The following CENPP variants were observed in gnomAD, a reference collection of about 807,000 sequenced individuals.
CENPP encodes the protein centromere protein P.
A neutral mutation model predicts 35.6 loss-of-function variants in CENPP; 24 were observed. That is an observed-to-expected ratio of 0.67 (90% CI 0.49 to 0.95). CENPP has a LOEUF of 0.95. Among genes scored for constraint, CENPP ranks in the 40% least tolerant of loss-of-function variants. The pLI is 0.00. For synonymous variants in CENPP, 120 were observed against 125.5 expected (o/e 0.96, Z 0.29); for missense variants, 332 against 345.3 (o/e 0.96, Z 0.31).
chr9:92,412,114 G>T (rs1843461916), intron 5 of CENPP, among the ~76,000 whole-genome samples: 1 of 151,832 alleles, frequency 6.6e-6, no homozygotes, highest in Non-Finnish European at 1.5e-5. Context: ...TAGAGACGGG[G>T]TCTCACTCTA....
At chr9:92,525,826 G>T (rs117521165) in intron 5 of CENPP, among the ~76,000 whole-genome samples, 1 of 147,288 alleles carries the variant, frequency 6.8e-6, no homozygotes, top group Non-Finnish European at 1.5e-5. Context: ...GGAGGCGGAG[G>T]TTGCACTGAG....
chr9:92,372,831 T>TGATAGGTGACTAGACTCCTTTCTC (rs1842041395), intron 4 of CENPP, among the ~76,000 whole-genome samples: 1 of 152,012 alleles, frequency 6.6e-6, no homozygotes, highest in African/African-American at 2.4e-5. Context: ...TTTTTTTTTT[T>TGATAGGTGACTAGACTCCTTTCTC]GATAGGTGAC....
intron 5 of CENPP, among the ~76,000 whole-genome samples, chr9:92,534,194 T>G (rs1427363553): frequency 6.6e-6 from 1 of 152,226 alleles, no homozygotes; most frequent in East Asian, 1.9e-4. Context: ...GAGCTCCCCT[T>G]TTTATTTCCT....
Position 92,337,720 on chromosome 9 carries a change from A to G in CENPP, c.378+91A>G, listed in dbSNP as rs148362064. 3.5e-4 allele frequency: 300 copies of G among 857,328 alleles called. 1 individual carries two copies. The African/African-American group carries it at 4.9e-3, about 14-fold the overall frequency. The allele number at this position is 857,328 out of a possible 1,614,324, so 53.1% of individuals were successfully genotyped here. A position where few individuals can be genotyped will look rare whatever the true frequency, so the allele number is the denominator to read the frequency against. On this transcript the variant is annotated intron_variant, in intron 3 of 7. Coordinates refer to ENST00000375587, the MANE Select transcript of CENPP (RefSeq NM_001012267.3). The stretch of plus-strand genomic sequence containing the variant: ...CCAGCCTTCAACAGTGATGGAGCTG[A>G]AGAGGAGTTCATGAGCCAGGGCCCC...
chr9:92,445,222 G>A (rs1231554137), intron 5 of CENPP, among the ~76,000 whole-genome samples: 1 of 152,124 alleles, frequency 6.6e-6, no homozygotes, highest in Non-Finnish European at 1.5e-5. Flanking sequence ...GTGAGAGTGG[G>A]TTTCTCCTTT....
At position 92,525,282 on chromosome 9, in the gene CENPP, T is replaced by C. The variant is rs1052569749; in HGVS notation, c.565-86032T>C. ...GCAGTGAGCAATGATTGCAGCACTGTACTCCAGCCTGGGTAACAGAGCGAG... is the reference window on the plus strand; with the variant it reads ...GCAGTGAGCAATGATTGCAGCACTGCACTCCAGCCTGGGTAACAGAGCGAG... On this transcript the variant is annotated intron_variant, in intron 5 of 7. Coordinates refer to ENST00000375587, the MANE Select transcript of CENPP (RefSeq NM_001012267.3). Among the ~76,000 whole-genome samples the C allele has an allele frequency of 5.3e-5, 8 of 150,506 alleles. No homozygotes were observed. In the South Asian group the frequency reaches 6.3e-4, roughly 12 times the overall value.
In CENPP at chr9:92,360,829, C is replaced by T. The variant is rs1203995141; in HGVS notation, c.467+15042C>T. On this transcript the variant is annotated intron_variant, in intron 4 of 7. Coordinates refer to ENST00000375587, the MANE Select transcript of CENPP (RefSeq NM_001012267.3). The stretch of plus-strand genomic sequence containing the variant: ...ACACCATTCTTCTGCCTCAGCCTCC[C>T]GAGTAGCTGGGACTACAGGCGCCCA... Among the ~76,000 whole-genome samples, 7 of 151,926 alleles carry T rather than the reference C, an allele frequency of 4.6e-5. No homozygotes were observed. The East Asian group carries it at 5.8e-4, about 13-fold the overall frequency.
intron 5 of CENPP, among the ~76,000 whole-genome samples, chr9:92,454,312 G>T (rs1157486957): frequency 2.6e-5 from 4 of 151,986 alleles, no homozygotes; most frequent in Admixed American, 2.6e-4. Context: ...TTAAAATTTT[G>T]GTTTTGTCTT....
intron 1 of CENPP, among the ~76,000 whole-genome samples, chr9:92,329,240 G>A (rs546365448): frequency 8.1e-5 from 12 of 147,460 alleles, no homozygotes; most frequent in East Asian, 2.0e-4. Context: ...GCTGGAGTGT[G>A]GTGGCGCAAC....
At position 92,617,399 on chromosome 9, in the gene CENPP, G is replaced by C. The variant is rs756270807; in HGVS notation, c.*4250G>C. 1 of 152,332 alleles carries C rather than the reference G, an allele frequency of 6.6e-6. No homozygotes were observed. Among genetic ancestry groups the C allele is most frequent in the Non-Finnish European group, 1.5e-5 (1 of 68,136 alleles). 9.4% of individuals were successfully genotyped at this position (152,332 alleles called of 1,614,324 possible). A position where few individuals can be genotyped will look rare whatever the true frequency, so the allele number is the denominator to read the frequency against. On this transcript the variant is annotated 3_prime_UTR_variant, in exon 8 of 8. Coordinates refer to ENST00000375587, the MANE Select transcript of CENPP (RefSeq NM_001012267.3). The stretch of plus-strand genomic sequence containing the variant: ...AGGAAGGATGTTCCAGGCAGCTCCC[G>C]GGGAGGGTCTGACTACCTGGGTCAA...
chr9:92,334,638 G>A (rs1178638066), intron 2 of CENPP, among the ~76,000 whole-genome samples: 1 of 152,092 alleles, frequency 6.6e-6, no homozygotes, highest in East Asian at 1.9e-4. Flanking sequence ...CTAGCACTTT[G>A]GGAGGCCTAT....
intron 5 of CENPP, among the ~76,000 whole-genome samples, chr9:92,490,601 T>A (rs543879602): frequency 1.3e-5 from 2 of 152,332 alleles, no homozygotes; most frequent in South Asian, 4.1e-4. Flanking sequence ...AAGTTTCACT[T>A]CAACAGCAGA....
At chr9:92,612,729 T>C in intron 7 of CENPP, 115 bp downstream of exon 7, 1 of 783,912 alleles carries the variant, frequency 1.3e-6, no homozygotes, top group Non-Finnish European at 2.2e-6. Context: ...ATCTCATTAA[T>C]GTACTTTGTC....
chr9:92,487,308 G>A lies in CENPP; in HGVS notation c.564+107449G>A, dbSNP rs1236339195. On this transcript the variant is annotated intron_variant, in intron 5 of 7. Transcript: ENST00000375587. ...ACAGGTCTGGGCCAGAGAAGTAAAGGTTTCTGAAAAAGCTTTCTTGTACCA... is the reference window on the plus strand; with the variant it reads ...ACAGGTCTGGGCCAGAGAAGTAAAGATTTCTGAAAAAGCTTTCTTGTACCA... Among the ~76,000 whole-genome samples the A allele has an allele frequency of 3.9e-5, 6 of 152,156 alleles. No individual in the cohort carries two copies. The East Asian group carries it at 7.7e-4, about 20-fold the overall frequency.
At chr9:92,372,404 T>G (rs1282242768) in intron 4 of CENPP, among the ~76,000 whole-genome samples, 1 of 152,156 alleles carries the variant, frequency 6.6e-6, no homozygotes, top group East Asian at 1.9e-4. Flanking sequence ...ATACTGTTGT[T>G]TTCTGTTGTT....
At chr9:92,399,636 G>A (rs1459208662) in intron 5 of CENPP, among the ~76,000 whole-genome samples, 5 of 152,026 alleles carry the variant, frequency 3.3e-5, no homozygotes, top group Non-Finnish European at 7.4e-5. Context: ...GTACTTGTAC[G>A]ATTTCATTTT....
At chr9:92,608,480 T>C (rs998913470) in intron 5 of CENPP, among the ~76,000 whole-genome samples, 3 of 152,226 alleles carry the variant, frequency 2.0e-5, no homozygotes, top group African/African-American at 7.2e-5. Flanking sequence ...TTTATAAAAC[T>C]CGACTGCTGT....
At chr9:92,399,799 C>T (rs916210499) in intron 5 of CENPP, among the ~76,000 whole-genome samples, 1 of 152,116 alleles carries the variant, frequency 6.6e-6, no homozygotes, top group Non-Finnish European at 1.5e-5. Context: ...TTAGTATGTA[C>T]TGAATTTTCA....
rs189061664 is a variant in CENPP at position 92,393,908 on chromosome 9, A to G, written c.564+14049A>G. On this transcript the variant is annotated intron_variant, in intron 5 of 7. Coordinates refer to ENST00000375587, the MANE Select transcript of CENPP (RefSeq NM_001012267.3). Reference sequence around the variant, plus strand: ...TCGTCAGTGCTGTGTGTCCAAAAGCACATGATATCTGTTTATCCCATTCCT... The same window carrying G: ...TCGTCAGTGCTGTGTGTCCAAAAGCGCATGATATCTGTTTATCCCATTCCT... 2.9e-4 allele frequency among the ~76,000 whole-genome samples: 44 copies of G among 152,290 alleles called. No homozygotes were observed. The East Asian group carries it at 7.7e-3, about 27-fold the overall frequency.
Sources: gnomAD v4.1 joint callset for allele counts (sites outside exome capture counted in the v4.1 genomes callset) on GRCh38, gnomAD v4.1.1 for gene constraint, MANE v1.5 for transcripts, NCBI Gene and HGNC (gene_info 2026-07-23, HGNC 2026-07-21) for gene names.